Variants in ESRRG observed in about 807,000 individuals in gnomAD.
The protein encoded by ESRRG is estrogen related receptor gamma.
In ESRRG, 13 loss-of-function variants were observed where a neutral mutation model predicts 44.0. The ratio of observed to expected loss-of-function variants is 0.30; its 90% CI spans 0.19 to 0.47. The LOEUF is 0.47. Among genes scored for constraint, ESRRG ranks in the 20% least tolerant of loss-of-function variants. ESRRG has a pLI of 1.00. For synonymous variants in ESRRG, 215 were observed against 214.6 expected, an observed-to-expected ratio of 1.00 and a Z score of -0.02; for missense variants, 395 against 580.6, an observed-to-expected ratio of 0.68 and a Z score of 3.29.
intron 2 of ESRRG, among the ~76,000 whole-genome samples, chr1:216,756,953 T>A (rs2092479401): frequency 6.6e-6 from 1 of 151,816 alleles, no homozygotes; most frequent in South Asian, 2.1e-4. Flanking sequence ...ATGTCTAGGG[T>A]ACGCACACCC....
chr1:216,935,993 C>T (rs1222735357), intron 2 of ESRRG, among the ~76,000 whole-genome samples: 5 of 152,020 alleles, frequency 3.3e-5, no homozygotes, highest in African/African-American at 9.7e-5. Context: ...CTCTCCCCTT[C>T]CTGGAGGATG....
intron 5 of ESRRG, among the ~76,000 whole-genome samples, chr1:216,543,005 C>T (rs2053367391): frequency 6.6e-6 from 1 of 151,978 alleles, no homozygotes; most frequent in Non-Finnish European, 1.5e-5. Context: ...CCAAAGAATG[C>T]TAAAAGTTCC....
At chr1:216,848,052 TAGCAGCATCC>T (rs2095785967) in intron 2 of ESRRG, among the ~76,000 whole-genome samples, 1 of 152,138 alleles carries the variant, frequency 6.6e-6, no homozygotes, top group Non-Finnish European at 1.5e-5. Flanking sequence ...GTAGGATGTT[TAGCAGCATCC>T]ATGGTTTTTG....
At chr1:216,837,272 G>T (rs533084789) in intron 2 of ESRRG, among the ~76,000 whole-genome samples, 1 of 151,928 alleles carries the variant, frequency 6.6e-6, no homozygotes, top group Non-Finnish European at 1.5e-5. Flanking sequence ...TTAGCCAGGC[G>T]TGGTGGTGAG....
chr1:216,901,360 T>C (rs2059050821), intron 2 of ESRRG, among the ~76,000 whole-genome samples: 1 of 152,152 alleles, frequency 6.6e-6, no homozygotes, highest in African/African-American at 2.4e-5. Flanking sequence ...ATGCCTTGTC[T>C]TTCTGCTTTT....
chr1:216,798,359 C>CA (rs146270048), intron 2 of ESRRG, among the ~76,000 whole-genome samples: 7,585 of 152,188 alleles, frequency 0.05, 225 homozygotes, highest in South Asian at 0.11. Context: ...AGTATATGAA[C>CA]AAATTCCACT....
At chr1:216,628,593 AC>A (rs2063575874) in intron 3 of ESRRG, among the ~76,000 whole-genome samples, 1 of 152,224 alleles carries the variant, frequency 6.6e-6, no homozygotes, top group Non-Finnish European at 1.5e-5. Context: ...ATAGAAATCA[AC>A]TAGGAAGGAA....
chr1:216,922,371 C>A (rs1464941776), intron 2 of ESRRG, among the ~76,000 whole-genome samples: 1 of 152,154 alleles, frequency 6.6e-6, no homozygotes, highest in East Asian at 1.9e-4. Flanking sequence ...CAGACACAAC[C>A]TTTTTAGTTC....
intron 1 of ESRRG, among the ~76,000 whole-genome samples, chr1:216,992,368 A>T (rs1273788031): frequency 1.3e-5 from 2 of 152,238 alleles, no homozygotes; most frequent in Non-Finnish European, 2.9e-5. Context: ...CCTTGTCAGG[A>T]TCTGAATCCC....
chr1:216,778,563 T>C (rs1398094341), intron 2 of ESRRG, among the ~76,000 whole-genome samples: 1 of 151,918 alleles, frequency 6.6e-6, no homozygotes, highest in African/African-American at 2.4e-5. Context: ...TTACCTTTCT[T>C]GGCCCATCGC....
At chr1:216,779,168 T>A (rs1290759399) in intron 2 of ESRRG, among the ~76,000 whole-genome samples, 6 of 107,326 alleles carry the variant, frequency 5.6e-5, no homozygotes, top group African/African-American at 1.8e-4. Flanking sequence ...AAAATAAATA[T>A]ATATATAATT....
intron 2 of ESRRG, among the ~76,000 whole-genome samples, chr1:216,801,990 G>A (rs887586649): frequency 1.3e-5 from 2 of 152,100 alleles, no homozygotes; most frequent in African/African-American, 4.8e-5. Flanking sequence ...TGAGTTCATT[G>A]TACACTTGTT....
chr1:217,058,649 T>C (rs967685247), intron 1 of ESRRG, among the ~76,000 whole-genome samples: 1 of 152,120 alleles, frequency 6.6e-6, no homozygotes, highest in African/African-American at 2.4e-5. Context: ...ACCACATTAG[T>C]ACTAGTATTA....
intron 1 of ESRRG, among the ~76,000 whole-genome samples, chr1:216,948,704 A>G (rs2066484160): frequency 6.6e-6 from 1 of 152,070 alleles, no homozygotes; most frequent in South Asian, 2.1e-4. Context: ...AGGCTTAATC[A>G]CTTGTATGTG....
At chr1:217,099,265 G>A (rs1440482792) in intron 1 of ESRRG, among the ~76,000 whole-genome samples, 2 of 151,926 alleles carry the variant, frequency 1.3e-5, no homozygotes, top group African/African-American at 2.4e-5. Flanking sequence ...CCCTTTGAAA[G>A]TATCTTTTCC....
chr1:216,728,359 C>A (rs571898818), upstream of ESRRG, among the ~76,000 whole-genome samples: 3 of 152,016 alleles, frequency 2.0e-5, no homozygotes, highest in African/African-American at 7.2e-5. Flanking sequence ...AGTAAATTAG[C>A]CTTTTCACTT....
At chr1:217,020,085 T>G (rs1003292005) in intron 1 of ESRRG, among the ~76,000 whole-genome samples, 1 of 152,110 alleles carries the variant, frequency 6.6e-6, no homozygotes, top group African/African-American at 2.4e-5. Flanking sequence ...CAGAACACTC[T>G]CCCTTTCCTC....
At chr1:216,591,809 T>C (rs1421473742) in intron 3 of ESRRG, among the ~76,000 whole-genome samples, 3 of 152,088 alleles carry the variant, frequency 2.0e-5, no homozygotes, top group South Asian at 2.1e-4. Context: ...TTATAACTCA[T>C]TGAATAAAAT....
At chr1:217,046,607 G>A (rs973490198) in intron 1 of ESRRG, among the ~76,000 whole-genome samples, 2 of 152,186 alleles carry the variant, frequency 1.3e-5, no homozygotes, top group African/African-American at 4.8e-5. Context: ...TAAGAATGGA[G>A]ATATGGTGGC....
Sources: gnomAD v4.1 joint callset for allele counts (sites outside exome capture counted in the v4.1 genomes callset) on GRCh38, gnomAD v4.1.1 for gene constraint, MANE v1.5 for transcripts, NCBI Gene and HGNC (gene_info 2026-07-23, HGNC 2026-07-21) for gene names.